Variants in ZNF566 observed in about 807,000 individuals in gnomAD.
ZNF566 encodes the protein zinc finger protein 566.
Under a neutral mutation model 32.8 loss-of-function variants are expected in ZNF566, and 27 were observed. The ratio of observed to expected loss-of-function variants is 0.82; its 90% CI spans 0.61 to 1.14. ZNF566 has a LOEUF of 1.14. Among genes scored for constraint, ZNF566 ranks in the 50% most tolerant of loss-of-function variants. The probability of loss-of-function intolerance (pLI) is 0.00; values close to 1 mark genes in which losing one functional copy is unlikely to be tolerated. For synonymous variants in ZNF566, 154 were observed against 159.5 expected (o/e 0.97, Z 0.26); for missense variants, 402 against 490.4 (o/e 0.82, Z 1.70).
chr19:36,463,007 T>A (rs879448191), intron 4 of ZNF566, among the ~76,000 whole-genome samples: 3 of 143,716 alleles, frequency 2.1e-5, no homozygotes, highest in Non-Finnish European at 4.6e-5. Context: ...TTCCTGTGCC[T>A]TCTGCCAAAA....
chr19:36,463,042 C>T (rs1045720647), intron 4 of ZNF566, among the ~76,000 whole-genome samples: 7 of 147,694 alleles, frequency 4.7e-5, no homozygotes, highest in African/African-American at 1.5e-4. Flanking sequence ...TTGGGCCAGA[C>T]GCAGTAATCC....
At chr19:36,456,398 A>T (rs541776964) in intron 4 of ZNF566, 18 of 150,266 alleles carry the variant, frequency 1.2e-4, no homozygotes, top group African/African-American at 3.9e-4. Context: ...AAAAAAAAAA[A>T]AAAAATTAGC....
At chr19:36,487,916 AAAAAAAAG>A (rs2034210426) in intron 1 of ZNF566, among the ~76,000 whole-genome samples, 3 of 136,822 alleles carry the variant, frequency 2.2e-5, no homozygotes, top group Non-Finnish European at 4.9e-5. Flanking sequence ...AAAAAAAAAA[AAAAAAAAG>A]AATGGGTAAA....
At chr19:36,461,129 G>A (rs1200818621) in intron 4 of ZNF566, among the ~76,000 whole-genome samples, 3 of 152,160 alleles carry the variant, frequency 2.0e-5, no homozygotes, top group African/African-American at 7.2e-5. Flanking sequence ...TTAAATCCAG[G>A]AGACAGCTGT....
At position 36,474,669 on chromosome 19, in the gene ZNF566, A is replaced by T. The variant is rs545476302; in HGVS notation, c.10-1211T>A. ...GGAGTGGGTCTGGTAACGGGACAAA[A>T]CCAGAATTGAACTATTTCCCTTGTA... On this transcript the variant is annotated intron_variant, in intron 2 of 4. Coordinates refer to ENST00000452939, the MANE Select transcript of ZNF566 (RefSeq NM_001145344.1). Among the ~76,000 whole-genome samples, 191 of 152,272 alleles carry T rather than the reference A, an allele frequency of 1.3e-3. 1 individual carries two copies. Among genetic ancestry groups the T allele is most frequent in the Non-Finnish European group, 4.7e-4 (32 of 68,024 alleles).
At position 36,449,638 on chromosome 19, in the gene ZNF566, T is replaced by C; in HGVS notation, c.596A>G (p.Tyr199Cys). ...GGACTTTCCACATTCCTTACATTCA[T>C]AAGGCTTCTCAATGGTATGAATTAT... is the stretch of plus-strand genomic sequence containing the variant. ...HEIIHTIEKP[Y>C]ECKECGKSFR... The change falls in exon 5 of 5, where the codon TAT (tyrosine) becomes TGT (cysteine). Residue 199 changes from tyrosine to cysteine, a missense_variant. Around this residue, in one of 3 missense-constraint regions of ZNF566, gnomAD observed 220 missense variants for 241.9 expected, o/e 0.91. Transcript: ENST00000452939. The C allele has an allele frequency of 6.2e-7, 1 of 1,614,166 alleles. No homozygotes were observed. Among genetic ancestry groups the C allele is most frequent in the Non-Finnish European group, 8.5e-7 (1 of 1,180,024 alleles).
chr19:36,450,091 T>C, intron 4 of ZNF566, 90 bp from the exon 5 acceptor site: 1 of 1,060,196 alleles, frequency 9.4e-7, no homozygotes, highest in East Asian at 2.4e-5. Flanking sequence ...AACCGAATTT[T>C]TTTTACAAAT....
chr19:36,487,069 C>T (rs1391167653), intron 1 of ZNF566, among the ~76,000 whole-genome samples: 14 of 136,046 alleles, frequency 1.0e-4, no homozygotes, highest in Non-Finnish European at 1.9e-4. Context: ...CCGCCTGGGC[C>T]ACAGAGCGAG....
chr19:36,450,856 A>G (rs993570828), intron 4 of ZNF566, among the ~76,000 whole-genome samples: 3 of 152,196 alleles, frequency 2.0e-5, no homozygotes, highest in Non-Finnish European at 4.4e-5. Context: ...GGCAGAAGTG[A>G]GTAGTTATGA....
At position 36,484,427 on chromosome 19, in the gene ZNF566, A is replaced by G. The variant is rs55678202; in HGVS notation, c.-60+5059T>C. 4.9e-3 allele frequency among the ~76,000 whole-genome samples: 747 copies of G among 152,298 alleles called. 6 individuals are homozygous for G. Among genetic ancestry groups the G allele is most frequent in the African/African-American group, 0.017 (705 of 41,564 alleles). On this transcript the variant is annotated intron_variant, in intron 1 of 4. Coordinates refer to ENST00000452939, the MANE Select transcript of ZNF566 (RefSeq NM_001145344.1). ...GAGCAAGAAGAGACAGCTCTTCCTT[A>G]TAGTAGAATTTAAATTATCAAAGTG...
intron 1 of ZNF566, among the ~76,000 whole-genome samples, chr19:36,477,139 T>C (rs2145694731): frequency 6.6e-6 from 1 of 152,210 alleles, no homozygotes; most frequent in East Asian, 1.9e-4. Context: ...GCCTCCCAAG[T>C]AGCTGGGACT....
At chr19:36,453,199 C>T (rs567442211) in intron 4 of ZNF566, among the ~76,000 whole-genome samples, 5 of 150,698 alleles carry the variant, frequency 3.3e-5, no homozygotes, top group South Asian at 2.1e-4. Context: ...ACTGGCGGGG[C>T]GCTGGTGGCT....
At chr19:36,483,476 G>A (rs966916582) in intron 1 of ZNF566, among the ~76,000 whole-genome samples, 1 of 152,026 alleles carries the variant, frequency 6.6e-6, no homozygotes, top group Non-Finnish European at 1.5e-5. Flanking sequence ...AGATGAACCT[G>A]GAACATCTTA....
At position 36,445,898 on chromosome 19, in the gene ZNF566, T is replaced by A. The variant is rs2032981569; in HGVS notation, c.*3079A>T. ...AAATAAAACAGACAAGAATACAAAG[T>A]GTTTGTTGCAGCATTACTTTTAGAT... On this transcript the variant is annotated 3_prime_UTR_variant, in exon 5 of 5. Transcript: ENST00000452939. 1 of 152,188 alleles carries A rather than the reference T, an allele frequency of 6.6e-6. No homozygotes were observed. Among genetic ancestry groups the A allele is most frequent in the African/African-American group, 2.4e-5 (1 of 41,450 alleles). 9.4% of individuals were successfully genotyped at this position (152,188 alleles called of 1,614,324 possible).
intron 2 of ZNF566, chr19:36,476,344 T>C: frequency 2.3e-6 from 1 of 437,858 alleles, no homozygotes; most frequent in Non-Finnish European, 4.0e-6. Context: ...TAACAATGAT[T>C]ATGTAATCAA....
intron 1 of ZNF566, among the ~76,000 whole-genome samples, chr19:36,476,958 A>G (rs2033901769): frequency 6.6e-6 from 1 of 152,170 alleles, no homozygotes; most frequent in Non-Finnish European, 1.5e-5. Context: ...ATTGTGTTAC[A>G]TAACTGGTTT....
At position 36,448,514 on chromosome 19, in the gene ZNF566, T is replaced by C. The variant is rs2145627355; in HGVS notation, c.*463A>G. The C allele has an allele frequency of 6.6e-6, 1 of 152,518 alleles. No individual in the cohort carries two copies. Among genetic ancestry groups the C allele is most frequent in the Non-Finnish European group, 1.5e-5 (1 of 68,216 alleles). 9.4% of individuals were successfully genotyped at this position (152,518 alleles called of 1,614,324 possible). A position where few individuals can be genotyped will look rare whatever the true frequency, so the allele number is the denominator to read the frequency against. The stretch of plus-strand genomic sequence containing the variant: ...TAAAGAGGTCACTTCTCCCAGGTAC[T>C]AAAGGTATTTTTAAAATAGTATACA... On this transcript the variant is annotated 3_prime_UTR_variant, in exon 5 of 5. Transcript: ENST00000452939.
chr19:36,450,708 G>A (rs182147752), intron 4 of ZNF566, among the ~76,000 whole-genome samples: 8 of 152,206 alleles, frequency 5.3e-5, no homozygotes, highest in East Asian at 1.9e-4. Context: ...GGCTATTGTC[G>A]GATGAAATGA....
chr19:36,476,981 G>A (rs2033902455), intron 1 of ZNF566, among the ~76,000 whole-genome samples: 1 of 151,932 alleles, frequency 6.6e-6, no homozygotes, highest in Admixed American at 6.6e-5. Flanking sequence ...TAGCTACATT[G>A]CAGTCCATTA....
Sources: gnomAD v4.1 joint callset for allele counts (sites outside exome capture counted in the v4.1 genomes callset) on GRCh38, gnomAD v4.1.1 for gene constraint, gnomAD v4.1.1 regional missense constraint, MANE v1.5 for transcripts, NCBI Gene and HGNC (gene_info 2026-07-23, HGNC 2026-07-21) for gene names.